PHACTR2: variants seen among roughly 807,000 people sequenced by gnomAD.
PHACTR2 encodes chromosome 6 open reading frame 56.
Under a neutral mutation model 76.0 loss-of-function variants are expected in PHACTR2, and 30 were observed. The ratio of observed to expected loss-of-function variants is 0.39; its 90% CI spans 0.30 to 0.54. PHACTR2 has a LOEUF of 0.54. Among genes scored for constraint, PHACTR2 ranks in the 20% least tolerant of loss-of-function variants. PHACTR2 has a pLI of 0.61. For missense variants in PHACTR2, 696 were observed against 781.1 expected (o/e 0.89, Z 1.30); for synonymous variants, 292 against 292.5 (o/e 1.00, Z 0.02).
rs575651658 is a variant in PHACTR2 at position 143,566,774 on chromosome 6, T to C, written c.217+29567T>C. 3.8e-4 allele frequency among the ~76,000 whole-genome samples: 57 copies of C among 151,020 alleles called. No individual in the cohort carries two copies. In the East Asian group the frequency reaches 0.011, roughly 28 times the overall value. On this transcript the variant is annotated intron_variant, in intron 1 of 11. Transcript: ENST00000367584. ...AATATTTTTAAATGAATTCCAGACATCATATTATTTTTCCCACAAATATTT... is the reference window on the plus strand; with the variant it reads ...AATATTTTTAAATGAATTCCAGACACCATATTATTTTTCCCACAAATATTT...
rs1426150134 is a variant in PHACTR2 at position 143,775,247 on chromosome 6, G to A, written c.1589+1032G>A. 6.6e-6 allele frequency among the ~76,000 whole-genome samples: 1 copy of A among 152,146 alleles called. No homozygotes were observed. Among genetic ancestry groups the A allele is most frequent in the Non-Finnish European group, 1.5e-5 (1 of 68,028 alleles). On this transcript the variant is annotated intron_variant, in intron 8 of 12. Coordinates refer to ENST00000440869, the MANE Select transcript of PHACTR2 (RefSeq NM_001100164.2). The surrounding 1 kb of genome is among the most constrained non-coding windows in gnomAD (Gnocchi z 4.4). ...CTGAAGGAAAAGCACAGCCTACCAGGGAACCTCGGGGGAGGCTTAGAGGGT... is the reference window on the plus strand; with the variant it reads ...CTGAAGGAAAAGCACAGCCTACCAGAGAACCTCGGGGGAGGCTTAGAGGGT...
intron 1 of PHACTR2, among the ~76,000 whole-genome samples, chr6:143,552,822 G>T (rs1775110638): frequency 6.8e-6 from 1 of 146,564 alleles, no homozygotes; most frequent in Non-Finnish European, 1.5e-5. Context: ...TGCAGAGGTT[G>T]CAGTGAGCCA....
In PHACTR2 at chr6:143,589,284, T is replaced by C. The variant is rs1229505547; in HGVS notation, c.217+52077T>C. Among the ~76,000 whole-genome samples, 1 of 152,132 alleles carries C rather than the reference T, an allele frequency of 6.6e-6. No homozygotes were observed. The highest frequency in any genetic ancestry group is 1.5e-5 in the Non-Finnish European group (1 of 68,020). On this transcript the variant is annotated intron_variant, in intron 1 of 11. Coordinates refer to the PHACTR2 transcript ENST00000367584. This position sits in a 1 kb window ranked among gnomAD's most constrained non-coding sequence, Gnocchi z 4.4. ...AGGTGATTGGATCATGGGGGTGGATTTCCCCCTTGCTGTTGTCATGATAGT... is the reference window on the plus strand; with the variant it reads ...AGGTGATTGGATCATGGGGGTGGATCTCCCCCTTGCTGTTGTCATGATAGT...
At position 143,696,489 on chromosome 6, in the gene PHACTR2, A is replaced by G. The variant is rs925397321; in HGVS notation, c.47-15527A>G. On this transcript the variant is annotated intron_variant, in intron 1 of 12. Transcript: ENST00000440869. The surrounding 1 kb of genome is among the most constrained non-coding windows in gnomAD (Gnocchi z 4.1). The stretch of plus-strand genomic sequence containing the variant: ...CCACTTGCTTACATGTATTATCTCT[A>G]TTAACAGTAGCCACAACCCAAATCA... Among the ~76,000 whole-genome samples, 1 of 152,100 alleles carries G rather than the reference A, an allele frequency of 6.6e-6. No homozygotes were observed. The highest frequency in any genetic ancestry group is 1.5e-5 in the Non-Finnish European group (1 of 68,020).
chr6:143,773,967 T>A, intron 7 of PHACTR2, 92 bp from the exon 8 acceptor site: 1 of 1,044,190 alleles, frequency 9.6e-7, no homozygotes, highest in Non-Finnish European at 1.4e-6. Flanking sequence ...GAATTTGGTC[T>A]GGGCTCTATT....
chr6:143,760,913 G>A lies in PHACTR2; in HGVS notation c.694+273G>A, dbSNP rs769378634. On this transcript the variant is annotated intron_variant, in intron 5 of 12. Coordinates refer to ENST00000440869, the MANE Select transcript of PHACTR2 (RefSeq NM_001100164.2). The surrounding 1 kb of genome is among the most constrained non-coding windows in gnomAD (Gnocchi z 6.4). The stretch of plus-strand genomic sequence containing the variant: ...TATCAGCACCAGTTGAAGGATACTG[G>A]GAGTAGTATGCCTGATGAATGACAA... 2.0e-5 allele frequency among the ~76,000 whole-genome samples: 3 copies of A among 152,096 alleles called. No individual in the cohort carries two copies. Among genetic ancestry groups the A allele is most frequent in the Non-Finnish European group, 4.4e-5 (3 of 68,016 alleles).
chr6:143,655,689 A>G (rs1776837114), intron 1 of PHACTR2, among the ~76,000 whole-genome samples: 1 of 152,228 alleles, frequency 6.6e-6, no homozygotes, highest in South Asian at 2.1e-4. Flanking sequence ...AGAGAAAAAG[A>G]TTACTGCAAT....
At chr6:143,667,381 G>T (rs905294269) in intron 1 of PHACTR2, among the ~76,000 whole-genome samples, 1 of 152,178 alleles carries the variant, frequency 6.6e-6, no homozygotes, top group African/African-American at 2.4e-5. Context: ...GGTTCTATAT[G>T]AAATTTAAAG....
rs1775965265 is a variant in PHACTR2 at position 143,610,978 on chromosome 6, T to A, written c.13+2656T>A. ...AGATGGTGCTTTAGAATGGCACACC[T>A]GTGACTACAAGCATCATCAGCATTC... On this transcript the variant is annotated intron_variant, in intron 1 of 11. Coordinates refer to the PHACTR2 transcript ENST00000305766. The surrounding 1 kb of genome is among the most constrained non-coding windows in gnomAD (Gnocchi z 4.9). 6.6e-6 allele frequency among the ~76,000 whole-genome samples: 1 copy of A among 152,208 alleles called. No homozygotes were observed. The highest frequency in any genetic ancestry group is 1.5e-5 in the Non-Finnish European group (1 of 68,032).
Position 143,755,232 on chromosome 6 carries a change from G to C in PHACTR2, c.454+1320G>C, listed in dbSNP as rs1779272411. 2 of 453,546 alleles carry C rather than the reference G, an allele frequency of 4.4e-6. No individual in the cohort carries two copies. The highest frequency in any genetic ancestry group is 8.9e-6 in the Non-Finnish European group (2 of 225,404). 28.1% of individuals were successfully genotyped at this position (453,546 alleles called of 1,614,324 possible). Reference sequence around the variant, plus strand: ...AGAAAGTAGACTTAAATAAATTTTAGTGGGATTCAGTTGAAAGTATTAACG... The same window carrying C: ...AGAAAGTAGACTTAAATAAATTTTACTGGGATTCAGTTGAAAGTATTAACG... On this transcript the variant is annotated intron_variant, in intron 4 of 12. Coordinates refer to ENST00000440869, the MANE Select transcript of PHACTR2 (RefSeq NM_001100164.2). The surrounding 1 kb of genome is among the most constrained non-coding windows in gnomAD (Gnocchi z 5.2).
At chr6:143,629,766 G>A (rs1419078981) in intron 1 of PHACTR2, among the ~76,000 whole-genome samples, 1 of 152,064 alleles carries the variant, frequency 6.6e-6, no homozygotes, top group Non-Finnish European at 1.5e-5. Flanking sequence ...AGAGCAGTGC[G>A]CTCTTCCATG....
In PHACTR2 at chr6:143,752,000, T is replaced by C. The variant is rs1779192522; in HGVS notation, c.296-1754T>C. On this transcript the variant is annotated intron_variant, in intron 3 of 12. Transcript: ENST00000440869. This position sits in a 1 kb window ranked among gnomAD's most constrained non-coding sequence, Gnocchi z 5.7. ...CTTTTTTCTACAATTATTTTCATACTAACTAGCTTTATTTCATGCCTCAAA... is the reference window on the plus strand; with the variant it reads ...CTTTTTTCTACAATTATTTTCATACCAACTAGCTTTATTTCATGCCTCAAA... Among the ~76,000 whole-genome samples, 1 of 152,180 alleles carries C rather than the reference T, an allele frequency of 6.6e-6. No homozygotes were observed. The highest frequency in any genetic ancestry group is 2.4e-5 in the African/African-American group (1 of 41,456).
chr6:143,606,579 A>G (rs1344340790), upstream of PHACTR2, among the ~76,000 whole-genome samples: 1 of 152,106 alleles, frequency 6.6e-6, no homozygotes, highest in Non-Finnish European at 1.5e-5. Flanking sequence ...CTCCTTACCC[A>G]CATCTCAGCT....
intron 9 of PHACTR2, among the ~76,000 whole-genome samples, chr6:143,781,380 G>T (rs550370763): frequency 6.6e-6 from 1 of 152,090 alleles, no homozygotes; most frequent in Non-Finnish European, 1.5e-5. Context: ...TCATTTTTGC[G>T]TATTTAATGA....
chr6:143,559,703 T>C lies in PHACTR2; in HGVS notation c.217+22496T>C, dbSNP rs1271051180. ...GATTTTTCTTTTCTTTTTTTTTTTT[T>C]TTTTTTTTTTTTTTTTTTTTTTTGG... is the stretch of plus-strand genomic sequence containing the variant. On this transcript the variant is annotated intron_variant, in intron 1 of 11. Transcript: ENST00000367584. Among the ~76,000 whole-genome samples, 62 of 121,640 alleles carry C rather than the reference T, an allele frequency of 5.1e-4. 3 individuals carry two copies. The highest frequency in any genetic ancestry group is 1.9e-3 in the African/African-American group (60 of 31,582). 79.8% of individuals were successfully genotyped at this position (121,640 alleles called of 152,430 possible).
rs77755980 is a variant in PHACTR2, at chr6:143,551,414, C to A, written c.217+14207C>A. ...CCTTACTTCACTGTGGAAAGTAAAA[C>A]CTCAGATAAGTGTGGATTACTGTGG... On this transcript the variant is annotated intron_variant, in intron 1 of 11. Coordinates refer to the PHACTR2 transcript ENST00000367584. Among the ~76,000 whole-genome samples, 7 of 152,302 alleles carry A rather than the reference C, an allele frequency of 4.6e-5. No homozygotes were observed. The East Asian group carries it at 1.3e-3, about 29-fold the overall frequency.
rs138756156 is a variant in PHACTR2, at chr6:143,663,241, T to A, written c.14-48775T>A. On this transcript the variant is annotated intron_variant, in intron 1 of 11. Transcript: ENST00000305766. This position sits in a 1 kb window ranked among gnomAD's most constrained non-coding sequence, Gnocchi z 4.1. ...GAGTATATACCCAGTAATGATATTT[T>A]TGGGTCACATGGTAACTCTGTTTTA... 1.7e-3 allele frequency among the ~76,000 whole-genome samples: 258 copies of A among 152,280 alleles called. No homozygotes were observed. Among genetic ancestry groups the A allele is most frequent in the African/African-American group, 5.8e-3 (243 of 41,566 alleles).
At chr6:143,582,483 A>C (rs979706934) in intron 1 of PHACTR2, among the ~76,000 whole-genome samples, 5 of 152,102 alleles carry the variant, frequency 3.3e-5, no homozygotes, top group African/African-American at 1.2e-4. Context: ...ACTGTCATTC[A>C]TTTTTATTTA....
At chr6:143,734,609 A>C (rs999350845) in intron 2 of PHACTR2, among the ~76,000 whole-genome samples, 1 of 152,240 alleles carries the variant, frequency 6.6e-6, no homozygotes, top group South Asian at 2.1e-4. Flanking sequence ...AATCACACAC[A>C]TAGAATGAAT....
Sources: gnomAD v4.1 joint callset for allele counts (sites outside exome capture counted in the v4.1 genomes callset) on GRCh38, gnomAD v4.1.1 for gene constraint, Gnocchi (gnomAD v3.1) non-coding constraint, MANE v1.5 for transcripts, NCBI Gene and HGNC (gene_info 2026-07-23, HGNC 2026-07-21) for gene names.